ITGB5: variants seen among roughly 807,000 people sequenced by gnomAD.
ITGB5 encodes the protein integrin beta-5.
Under a neutral mutation model 84.8 loss-of-function variants are expected in ITGB5, and 38 were observed. That is an observed-to-expected ratio of 0.45 (90% CI 0.35 to 0.59). The LOEUF (loss-of-function observed/expected upper bound fraction) is 0.59, where lower values mean the gene tolerates loss of function less well. ITGB5 is among the 20% of genes least tolerant of loss of function. The pLI is 0.01. For missense variants in ITGB5, 905 were observed against 1,034.5 expected (o/e 0.87, Z 1.72); for synonymous variants, 393 against 414.4 (o/e 0.95, Z 0.63).
At chr3:124,864,096 C>CTTTTTTT (rs558311822) in intron 2 of ITGB5, among the ~76,000 whole-genome samples, 1 of 45,528 alleles carries the variant, frequency 2.2e-5, no homozygotes, top group African/African-American at 6.9e-5. Flanking sequence ...ACCTATATTT[C>CTTTTTTT]TTTTTTTTTT....
At chr3:124,827,327 TA>T (rs576865181) in intron 5 of ITGB5, among the ~76,000 whole-genome samples, 80 of 152,290 alleles carry the variant, frequency 5.3e-4, no homozygotes, top group Non-Finnish European at 9.7e-4. Flanking sequence ...CAGGATGTAT[TA>T]AAAAGTATTA....
intron 2 of ITGB5, among the ~76,000 whole-genome samples, chr3:124,863,880 C>G (rs1213067885): frequency 2.7e-5 from 4 of 150,460 alleles, no homozygotes; most frequent in Admixed American, 2.0e-4. Flanking sequence ...TGACAGAGAC[C>G]AGGGGCATAT....
chr3:124,884,002 G>C (rs1294231122), intron 1 of ITGB5, among the ~76,000 whole-genome samples: 2 of 152,158 alleles, frequency 1.3e-5, no homozygotes, highest in Non-Finnish European at 2.9e-5. Context: ...AATCCGTACT[G>C]AGATGAAAGT....
intron 11 of ITGB5, among the ~76,000 whole-genome samples, chr3:124,770,972 C>G (rs1283534705): frequency 2.7e-5 from 4 of 149,164 alleles, no homozygotes; most frequent in Non-Finnish European, 5.9e-5. Context: ...GGCCAGGATT[C>G]TCTGTCCCTG....
At chr3:124,872,862 C>A in intron 2 of ITGB5, among the ~76,000 whole-genome samples, 1 of 152,164 alleles carries the variant, frequency 6.6e-6, no homozygotes, top group East Asian at 1.9e-4. Flanking sequence ...AATCCTCCTG[C>A]CTTGGCCTCC....
At chr3:124,855,259 T>C (rs2065207638) in intron 3 of ITGB5, among the ~76,000 whole-genome samples, 2 of 152,038 alleles carry the variant, frequency 1.3e-5, no homozygotes, top group South Asian at 4.1e-4. Context: ...TTAGCTGAAA[T>C]CACGTCACTG....
chr3:124,867,254 A>G (rs1004874772), intron 2 of ITGB5, among the ~76,000 whole-genome samples: 2 of 151,554 alleles, frequency 1.3e-5, no homozygotes, highest in Non-Finnish European at 2.9e-5. Flanking sequence ...CCCCATTTCC[A>G]TGCATCCATG....
chr3:124,839,428 G>A (rs964711306), intron 5 of ITGB5, among the ~76,000 whole-genome samples: 1 of 152,218 alleles, frequency 6.6e-6, no homozygotes, highest in Non-Finnish European at 1.5e-5. Flanking sequence ...GCTTCTCAAA[G>A]ACCACTGTGG....
At chr3:124,867,987 G>A (rs986949312) in intron 2 of ITGB5, among the ~76,000 whole-genome samples, 1 of 152,072 alleles carries the variant, frequency 6.6e-6, no homozygotes, top group Non-Finnish European at 1.5e-5. Flanking sequence ...TCATGGGGGC[G>A]GTTTCCCCTA....
chr3:124,884,252 T>C (rs1579342583), intron 1 of ITGB5, among the ~76,000 whole-genome samples: 2 of 151,802 alleles, frequency 1.3e-5, no homozygotes, highest in African/African-American at 4.8e-5. Flanking sequence ...TGAAGTTAAT[T>C]CAGCAACACT....
intron 5 of ITGB5, among the ~76,000 whole-genome samples, chr3:124,837,285 C>A (rs190023435): frequency 1.6e-4 from 24 of 152,326 alleles, no homozygotes; most frequent in Non-Finnish European, 3.1e-4. Flanking sequence ...TCCGCCTGCA[C>A]AATTTCAGAA....
chr3:124,773,850 TAC>T lies in ITGB5; in HGVS notation c.1754_1755del (p.Cys585Ter). The part of the protein sequence containing the change: ...KCHAGYIGDN[C>X]NCSTDISTCR... ...CATGTGCTGATGTCTGTCGAGCAGTTACAGTTGTCCCCGATGTAACCTGCATG... is the reference window on the plus strand; with the variant it reads ...CATGTGCTGATGTCTGTCGAGCAGTTAGTTGTCCCCGATGTAACCTGCATG... On this transcript the variant is annotated frameshift_variant, in exon 11 of 15. Transcript: ENST00000296181. LOFTEE classifies it high-confidence loss of function. 6.2e-7 allele frequency: 1 copy of T among 1,614,192 alleles called. No homozygotes were observed. Among genetic ancestry groups the T allele is most frequent in the Non-Finnish European group, 8.5e-7 (1 of 1,180,040 alleles).
At chr3:124,772,706 C>G (rs2063863846) in intron 11 of ITGB5, among the ~76,000 whole-genome samples, 1 of 152,200 alleles carries the variant, frequency 6.6e-6, no homozygotes, top group Non-Finnish European at 1.5e-5. Flanking sequence ...GCATGCGGGG[C>G]TGAGCAGGAG....
At chr3:124,795,603 A>G (rs1208529036) in intron 10 of ITGB5, among the ~76,000 whole-genome samples, 1 of 152,120 alleles carries the variant, frequency 6.6e-6, no homozygotes, top group African/African-American at 2.4e-5. Context: ...GGGACTGTGC[A>G]GATGTGAGTA....
intron 5 of ITGB5, among the ~76,000 whole-genome samples, chr3:124,825,662 G>A (rs1292904849): frequency 6.6e-6 from 1 of 152,238 alleles, no homozygotes; most frequent in Non-Finnish European, 1.5e-5. Context: ...CAGATCAGTA[G>A]TCGCCAAAGT....
chr3:124,886,780 G>A, intron 1 of ITGB5, 151 bp downstream of exon 1: 1 of 334,594 alleles, frequency 3.0e-6, no homozygotes, highest in Non-Finnish European at 5.2e-6. Context: ...CGCCCCGCGG[G>A]GCTGTCCCCC....
Position 124,850,928 on chromosome 3 carries a change from A to C in ITGB5, c.362-2370T>G, listed in dbSNP as rs191554662. ...CCCTCCTTGGCCCTTGCATGGGCAG[A>C]CAACAGACCCCAAATGGACAGAGCC... On this transcript the variant is annotated intron_variant, in intron 3 of 14. Transcript: ENST00000296181. Among the ~76,000 whole-genome samples, 163 of 152,352 alleles carry C rather than the reference A, an allele frequency of 1.1e-3. 4 individuals are homozygous for C. The East Asian group carries it at 0.028, about 27-fold the overall frequency.
At chr3:124,812,820 C>A (rs2064526030) in intron 8 of ITGB5, among the ~76,000 whole-genome samples, 1 of 152,200 alleles carries the variant, frequency 6.6e-6, no homozygotes, top group African/African-American at 2.4e-5. Context: ...TTCCATTTTG[C>A]TCCCTCCTCA....
chr3:124,898,663 A>AAAAAAAAAAAAAAAAAAG, intron 1 of ITGB5, among the ~76,000 whole-genome samples: 1 of 148,260 alleles, frequency 6.7e-6, no homozygotes, highest in Non-Finnish European at 1.5e-5. Context: ...AAAAAAAAAA[A>AAAAAAAAAAAAAAAAAAG]AAAAAAAGAA....
Sources: allele counts gnomAD v4.1 joint callset (sites outside exome capture counted in the v4.1 genomes callset), GRCh38; gene constraint gnomAD v4.1.1; transcripts MANE v1.5; gene names NCBI Gene and HGNC (gene_info 2026-07-23, HGNC 2026-07-21).